CDC14B: variants seen among roughly 807,000 people sequenced by gnomAD.
CDC14B encodes the protein cell division cycle 14B, also known as dual specificity protein phosphatase CDC14B.
In CDC14B, 22 loss-of-function variants were observed where a neutral mutation model predicts 64.2. The ratio of observed to expected loss-of-function variants is 0.34; its 90% CI spans 0.24 to 0.49. CDC14B has a LOEUF of 0.49. Among genes scored for constraint, CDC14B ranks in the 20% least tolerant of loss-of-function variants. The probability of loss-of-function intolerance (pLI) is 0.99; values close to 1 mark genes in which losing one functional copy is unlikely to be tolerated. For synonymous variants in CDC14B, 191 were observed against 215.8 expected, an observed-to-expected ratio of 0.89 and a Z score of 1.01; for missense variants, 498 against 629.9, an observed-to-expected ratio of 0.79 and a Z score of 2.24.
chr9:96,534,203 CA>C, intron 8 of CDC14B, 46 bp from the exon 9 acceptor site: 1 of 1,190,278 alleles, frequency 8.4e-7, no homozygotes, highest in Middle Eastern at 2.0e-4. Context: ...ATAAAGAAAA[CA>C]ATGGCTAATA....
chr9:96,578,870 G>A (rs1159921129), intron 1 of CDC14B, among the ~76,000 whole-genome samples: 1 of 152,192 alleles, frequency 6.6e-6, no homozygotes, highest in African/African-American at 2.4e-5. Flanking sequence ...CCAGGCTGGA[G>A]TGCAATGCCG....
intron 1 of CDC14B, among the ~76,000 whole-genome samples, chr9:96,575,093 T>C (rs1292782860): frequency 2.0e-5 from 3 of 152,218 alleles, no homozygotes; most frequent in Non-Finnish European, 4.4e-5. Context: ...GGATGTTTAT[T>C]TCTTGCCGGT....
At chr9:96,566,071 T>TGA (rs16909852) in intron 1 of CDC14B, among the ~76,000 whole-genome samples, 101,153 of 151,946 alleles carry the variant, frequency 0.67, 36,148 homozygotes, top group East Asian at 0.95. Context: ...ACAGAAGCAA[T>TGA]GAGGTTTCTG....
chr9:96,539,632 G>C (rs1030805616), intron 6 of CDC14B, among the ~76,000 whole-genome samples: 3 of 151,938 alleles, frequency 2.0e-5, no homozygotes, highest in Non-Finnish European at 2.9e-5. Flanking sequence ...AAATTCTTCC[G>C]AACAGTCTTT....
intron 12 of CDC14B, among the ~76,000 whole-genome samples, chr9:96,511,820 C>T (rs1229236027): frequency 2.0e-5 from 3 of 152,106 alleles, no homozygotes; most frequent in Middle Eastern, 3.2e-3. Context: ...GAGGTGGTTG[C>T]GGTGGCTTAT....
At chr9:96,590,109 T>TC (rs2118574515) in intron 1 of CDC14B, among the ~76,000 whole-genome samples, 1 of 152,316 alleles carries the variant, frequency 6.6e-6, no homozygotes, top group South Asian at 2.1e-4. Context: ...CGTGCTAAAC[T>TC]GAAACTCTAT....
chr9:96,611,641 C>T (rs535709522), intron 1 of CDC14B, among the ~76,000 whole-genome samples: 5 of 152,256 alleles, frequency 3.3e-5, no homozygotes, highest in Admixed American at 6.5e-5. Flanking sequence ...TTAAAGATCT[C>T]ATTTCTTCTT....
rs1165128919 is a variant in CDC14B, at chr9:96,606,882, A to T, written c.160+12337T>A. On this transcript the variant is annotated intron_variant, in intron 1 of 13. Transcript: ENST00000375241. Reference sequence around the variant, plus strand: ...TGCCTGGCCTACTAATAATTTTTTTAAAAATTAGCTGGGCATGGTGGTGTG... The same window carrying T: ...TGCCTGGCCTACTAATAATTTTTTTTAAAATTAGCTGGGCATGGTGGTGTG... Among the ~76,000 whole-genome samples, 5 of 151,978 alleles carry T rather than the reference A, an allele frequency of 3.3e-5. No homozygotes were observed. The East Asian group carries it at 7.8e-4, about 24-fold the overall frequency.
chr9:96,533,962 TCA>T lies in CDC14B; in HGVS notation c.909_910del (p.Cys303Ter). ...TACTGCAATGGCACCCTCAGCATTTTCACAGATATCTAGGAATTCTTTGACAA... is the reference window on the plus strand; with the variant it reads ...TACTGCAATGGCACCCTCAGCATTTTCAGATATCTAGGAATTCTTTGACAA... On this transcript the variant is annotated stop_gained and frameshift_variant, in exon 9 of 14. Coordinates refer to ENST00000375241, the MANE Select transcript of CDC14B (RefSeq NM_033331.4). LOFTEE classifies it high-confidence loss of function. 6.2e-7 allele frequency: 1 copy of T among 1,612,954 alleles called. No homozygotes were observed. The highest frequency in any genetic ancestry group is 1.1e-5 in the South Asian group (1 of 90,806).
downstream of CDC14B, chr9:96,496,236 A>G: frequency 2.1e-6 from 1 of 476,476 alleles, no homozygotes; most frequent in South Asian, 1.5e-5. Context: ...GCACCTGGAG[A>G]GAACTTGCAG....
rs1471841062 is a variant in CDC14B, at chr9:96,619,622, G to C, written c.-244C>G. 2 of 147,246 alleles carry C rather than the reference G, an allele frequency of 1.4e-5. No homozygotes were observed. Among genetic ancestry groups the C allele is most frequent in the Admixed American group, 1.3e-4 (2 of 14,832 alleles). 9.1% of individuals were successfully genotyped at this position (147,246 alleles called of 1,614,324 possible). A position where few individuals can be genotyped will look rare whatever the true frequency, so the allele number is the denominator to read the frequency against. ...CCGCAGGACCGGCGCCGCAGCCCTC[G>C]CTACAGCGCCTCCTGCCGCGGCCGG... On this transcript the variant is annotated 5_prime_UTR_variant, in exon 1 of 14. Coordinates refer to ENST00000375241, the MANE Select transcript of CDC14B (RefSeq NM_033331.4).
chr9:96,593,315 C>T (rs1845888041), intron 1 of CDC14B, among the ~76,000 whole-genome samples: 1 of 151,956 alleles, frequency 6.6e-6, no homozygotes, highest in Non-Finnish European at 1.5e-5. Flanking sequence ...GGTGAAACCC[C>T]GTCTCTACTA....
Position 96,516,041 on chromosome 9 carries a change from T to C in CDC14B, c.1344-6252A>G, listed in dbSNP as rs1587769854. ...CACTAGTGAGATAACTACCCCATGT[T>C]AATTTAACTTTATGATACTGAAATC... On this transcript the variant is annotated intron_variant, in intron 12 of 13. Coordinates refer to ENST00000375241, the MANE Select transcript of CDC14B (RefSeq NM_033331.4). Among the ~76,000 whole-genome samples, 3 of 152,330 alleles carry C rather than the reference T, an allele frequency of 2.0e-5. No individual in the cohort carries two copies. In the East Asian group the frequency reaches 5.8e-4, roughly 29 times the overall value.
intron 1 of CDC14B, among the ~76,000 whole-genome samples, chr9:96,581,707 T>C (rs1327887233): frequency 6.6e-6 from 1 of 152,010 alleles, no homozygotes; most frequent in Non-Finnish European, 1.5e-5. Flanking sequence ...TGAAAATATA[T>C]TCCTCTGGGG....
intron 1 of CDC14B, among the ~76,000 whole-genome samples, chr9:96,590,614 C>T (rs1845729078): frequency 6.6e-6 from 1 of 151,612 alleles, no homozygotes; most frequent in Admixed American, 6.6e-5. Flanking sequence ...ACAAGACTTC[C>T]AATTTCTCCA....
chr9:96,609,952 G>A (rs771387710), intron 1 of CDC14B, among the ~76,000 whole-genome samples: 4 of 152,136 alleles, frequency 2.6e-5, no homozygotes, highest in Non-Finnish European at 5.9e-5. Context: ...CAATGAATAG[G>A]ACCAAATTTT....
intron 9 of CDC14B, among the ~76,000 whole-genome samples, chr9:96,528,376 G>A (rs1837905695): frequency 6.6e-6 from 1 of 152,104 alleles, no homozygotes; most frequent in Non-Finnish European, 1.5e-5. Context: ...ACAAAAATTA[G>A]CTGGATGTCA....
At chr9:96,526,637 C>G (rs923686499) in intron 9 of CDC14B, among the ~76,000 whole-genome samples, 4 of 152,182 alleles carry the variant, frequency 2.6e-5, no homozygotes, top group Non-Finnish European at 5.9e-5. Flanking sequence ...ATACTGTCAT[C>G]ATTTTTCTTC....
chr9:96,605,637 C>T (rs1045187728), intron 1 of CDC14B, among the ~76,000 whole-genome samples: 3 of 152,216 alleles, frequency 2.0e-5, no homozygotes, highest in Admixed American at 6.5e-5. Flanking sequence ...GACTCAGCAT[C>T]TGTTCTGGGG....
Sources: allele counts gnomAD v4.1 joint callset (sites outside exome capture counted in the v4.1 genomes callset), GRCh38; gene constraint gnomAD v4.1.1; transcripts MANE v1.5; gene names NCBI Gene and HGNC (gene_info 2026-07-23, HGNC 2026-07-21).